Variants in CAMTA1 observed in about 807,000 individuals in gnomAD.
The protein encoded by CAMTA1 is calmodulin-binding transcription activator 1.
A neutral mutation model predicts 170.9 loss-of-function variants in CAMTA1; 27 were observed. The observed-to-expected ratio is 0.16, with a 90% CI of 0.12 to 0.22. CAMTA1 has a LOEUF of 0.22. CAMTA1 is among the 10% of genes least tolerant of loss of function. The probability of loss-of-function intolerance (pLI) is 1.00; values close to 1 mark genes in which losing one functional copy is unlikely to be tolerated. For missense variants in CAMTA1, 1,619 were observed against 2,217.2 expected (o/e 0.73, Z 5.42); for synonymous variants, 833 against 891.5 (o/e 0.93, Z 1.17).
At chr1:7,177,275 C>T (rs757180458) in intron 4 of CAMTA1, among the ~76,000 whole-genome samples, 15 of 150,908 alleles carry the variant, frequency 9.9e-5, no homozygotes, top group Admixed American at 3.3e-4. Flanking sequence ...CTTCCCAACA[C>T]GCAGGCTCCT....
chr1:7,180,272 CAGG>C (rs1651833259), intron 4 of CAMTA1, among the ~76,000 whole-genome samples: 2 of 151,964 alleles, frequency 1.3e-5, no homozygotes, highest in South Asian at 4.2e-4. Flanking sequence ...GAGGCTGAGG[CAGG>C]AGAATTGCTT....
intron 4 of CAMTA1, among the ~76,000 whole-genome samples, chr1:7,120,636 A>G (rs1419921236): frequency 6.6e-6 from 1 of 152,208 alleles, no homozygotes; most frequent in Non-Finnish European, 1.5e-5. Flanking sequence ...GGACTGCACC[A>G]GGGTATGGAG....
rs887121003 is a variant in CAMTA1 at position 7,195,773 on chromosome 1, C to T, written c.303-53718C>T. Among the ~76,000 whole-genome samples, 4 of 152,222 alleles carry T rather than the reference C, an allele frequency of 2.6e-5. No individual in the cohort carries two copies. The highest frequency in any genetic ancestry group is 9.6e-5 in the African/African-American group (4 of 41,458). ...GTGGCTCATGCCTGTAATCCCAGCACTTTGGGAAGCCAAGGCAGGCAGATC... is the reference window on the plus strand; with the variant it reads ...GTGGCTCATGCCTGTAATCCCAGCATTTTGGGAAGCCAAGGCAGGCAGATC... On this transcript the variant is annotated intron_variant, in intron 4 of 22. Transcript: ENST00000303635. The surrounding 1 kb of genome is among the most constrained non-coding windows in gnomAD (Gnocchi z 4.1).
intron 6 of CAMTA1, among the ~76,000 whole-genome samples, chr1:7,543,970 G>T (rs150162436): frequency 6.6e-6 from 1 of 152,048 alleles, no homozygotes; most frequent in African/African-American, 2.4e-5. Context: ...CCTTGCTGCC[G>T]TATTCTCAAA....
chr1:7,584,365 C>A (rs1432267318), intron 6 of CAMTA1, among the ~76,000 whole-genome samples: 1 of 151,886 alleles, frequency 6.6e-6, no homozygotes, highest in East Asian at 2.0e-4. Context: ...CTGTCTCGCT[C>A]GGATTAGGCC....
intron 4 of CAMTA1, among the ~76,000 whole-genome samples, chr1:7,232,029 G>A (rs867110984): frequency 3.3e-5 from 5 of 152,324 alleles, no homozygotes; most frequent in Admixed American, 6.5e-5. Context: ...GGAGGACTTG[G>A]CTGGGAGACA....
intron 4 of CAMTA1, among the ~76,000 whole-genome samples, chr1:7,230,815 A>G (rs1662652633): frequency 6.6e-6 from 1 of 152,088 alleles, no homozygotes; most frequent in Non-Finnish European, 1.5e-5. Context: ...GGCATGAGGG[A>G]CTGGCGCCCG....
At chr1:7,094,833 C>T (rs1041924677) in intron 4 of CAMTA1, among the ~76,000 whole-genome samples, 5 of 152,138 alleles carry the variant, frequency 3.3e-5, no homozygotes, top group Non-Finnish European at 4.4e-5. Flanking sequence ...CCCTGCGGAA[C>T]GTGTTTTTTT....
chr1:7,561,407 G>A lies in CAMTA1; in HGVS notation c.511-78993G>A, dbSNP rs931577214. 1.3e-4 allele frequency among the ~76,000 whole-genome samples: 20 copies of A among 151,828 alleles called. No homozygotes were observed. Among genetic ancestry groups the A allele is most frequent in the Non-Finnish European group, 4.4e-5 (3 of 67,922 alleles). ...CCAATGGGCCAGGCAGGTGGGGCAG[G>A]AGCCTCCTCTTGGGAGTCACATGGC... On this transcript the variant is annotated intron_variant, in intron 6 of 22. Transcript: ENST00000303635. This position sits in a 1 kb window ranked among gnomAD's most constrained non-coding sequence, Gnocchi z 5.3.
intron 3 of CAMTA1, among the ~76,000 whole-genome samples, chr1:6,935,805 T>A (rs1343547260): frequency 6.6e-6 from 1 of 152,196 alleles, no homozygotes; most frequent in Non-Finnish European, 1.5e-5. Flanking sequence ...GAAATCACTG[T>A]TAGTTGCATC....
intron 3 of CAMTA1, among the ~76,000 whole-genome samples, chr1:7,060,685 C>T (rs1708073870): frequency 1.3e-5 from 2 of 151,666 alleles, no homozygotes. Context: ...CACGGCCCTG[C>T]GGCTTCCTGT....
chr1:7,477,122 C>T (rs2093433166), intron 6 of CAMTA1, among the ~76,000 whole-genome samples: 1 of 152,188 alleles, frequency 6.6e-6, no homozygotes, highest in Non-Finnish European at 1.5e-5. Context: ...GAAACCCTGG[C>T]AGGAGTGACC....
At chr1:7,348,340 G>A (rs1421600957) in intron 5 of CAMTA1, among the ~76,000 whole-genome samples, 3 of 152,190 alleles carry the variant, frequency 2.0e-5, no homozygotes, top group Non-Finnish European at 4.4e-5. Flanking sequence ...TCCCAGTTGG[G>A]TTCCTGAGCA....
chr1:7,579,954 A>G (rs770300782), intron 6 of CAMTA1, among the ~76,000 whole-genome samples: 3 of 152,216 alleles, frequency 2.0e-5, no homozygotes, highest in African/African-American at 7.2e-5. Flanking sequence ...GGGTCGTGGC[A>G]CCCAAGTGAC....
intron 11 of CAMTA1, among the ~76,000 whole-genome samples, chr1:7,697,287 ATTTAAG>A (rs199568324): frequency 0.053 from 2,334 of 44,302 alleles, 54 homozygotes; most frequent in African/African-American, 0.17. Context: ...TGGGCTATCT[ATTTAAG>A]TTTATTATCC....
intron 6 of CAMTA1, among the ~76,000 whole-genome samples, chr1:7,625,392 T>G (rs1323051728): frequency 1.3e-5 from 2 of 152,262 alleles, no homozygotes; most frequent in Non-Finnish European, 2.9e-5. Context: ...GTGGCAGGAC[T>G]GCTCTGTGGC....
rs1013493719 is a variant in CAMTA1, at chr1:7,300,696, A to G, written c.438+51070A>G. On this transcript the variant is annotated intron_variant, in intron 5 of 22. Transcript: ENST00000303635. This position sits in a 1 kb window ranked among gnomAD's most constrained non-coding sequence, Gnocchi z 4.1. ...TCTGTCTCAAAAAAAAAAAAATTGT[A>G]TAGATATTGATTAAAGCAGAACCCT... Among the ~76,000 whole-genome samples, 3 of 152,038 alleles carry G rather than the reference A, an allele frequency of 2.0e-5. No individual in the cohort carries two copies. Among genetic ancestry groups the G allele is most frequent in the African/African-American group, 7.2e-5 (3 of 41,396 alleles).
intron 3 of CAMTA1, among the ~76,000 whole-genome samples, chr1:6,945,429 G>A (rs1404411046): frequency 6.6e-6 from 1 of 152,072 alleles, no homozygotes; most frequent in Non-Finnish European, 1.5e-5. Flanking sequence ...GCTCACTGCA[G>A]TCTCAACCTC....
chr1:7,616,222 C>G (rs1010019605), intron 6 of CAMTA1, among the ~76,000 whole-genome samples: 1 of 152,210 alleles, frequency 6.6e-6, no homozygotes, highest in Non-Finnish European at 1.5e-5. Flanking sequence ...ATTAGAGGTG[C>G]CATTGCACAA....
Sources: allele counts gnomAD v4.1 joint callset (sites outside exome capture counted in the v4.1 genomes callset), GRCh38; gene constraint gnomAD v4.1.1; non-coding constraint Gnocchi (gnomAD v3.1); transcripts MANE v1.5; gene names NCBI Gene and HGNC (gene_info 2026-07-23, HGNC 2026-07-21).